The following MCTP1 variants were observed in gnomAD, a reference collection of about 807,000 sequenced individuals.
The protein encoded by MCTP1 is multiple C2 and transmembrane domain-containing protein 1.
MCTP1 carries 69 observed loss-of-function variants against 120.6 expected under a neutral mutation model. That is an observed-to-expected ratio of 0.57 (90% CI 0.47 to 0.70). The LOEUF (loss-of-function observed/expected upper bound fraction) is 0.70. MCTP1 is among the 30% of genes least tolerant of loss of function. MCTP1 has a pLI of 0.00. For missense variants in MCTP1, 1,203 were observed against 1,248.8 expected, an observed-to-expected ratio of 0.96 and a Z score of 0.55; for synonymous variants, 529 against 493.1, an observed-to-expected ratio of 1.07 and a Z score of -0.96.
intron 12 of MCTP1, among the ~76,000 whole-genome samples, chr5:94,876,669 A>C (rs546159096): frequency 6.6e-6 from 1 of 152,214 alleles, no homozygotes; most frequent in Non-Finnish European, 1.5e-5. Context: ...AAAAAGAGTC[A>C]ATCCCTCTCC....
At chr5:95,006,856 C>A (rs893406887) in intron 2 of MCTP1, among the ~76,000 whole-genome samples, 1 of 152,078 alleles carries the variant, frequency 6.6e-6, no homozygotes, top group Non-Finnish European at 1.5e-5. Context: ...GAAACTGGAG[C>A]CCTTTTGAGA....
intron 19 of MCTP1, among the ~76,000 whole-genome samples, chr5:94,721,458 C>A (rs1760879262): frequency 6.6e-6 from 1 of 152,148 alleles, no homozygotes; most frequent in African/African-American, 2.4e-5. Context: ...CCCACCCAGT[C>A]CACCGCCACT....
chr5:95,077,113 G>A (rs1193218798), intron 1 of MCTP1, among the ~76,000 whole-genome samples: 2 of 152,116 alleles, frequency 1.3e-5, no homozygotes, highest in African/African-American at 4.8e-5. Context: ...CTTAGTTTGA[G>A]TTCTCTAATG....
intron 2 of MCTP1, among the ~76,000 whole-genome samples, chr5:94,957,602 G>A (rs1244282845): frequency 6.6e-6 from 1 of 151,804 alleles, no homozygotes. Context: ...AAAAGAAAAA[G>A]CAGGGGTTGC....
chr5:94,988,875 G>A (rs1291599406), intron 2 of MCTP1, among the ~76,000 whole-genome samples: 1 of 152,072 alleles, frequency 6.6e-6, no homozygotes, highest in Non-Finnish European at 1.5e-5. Context: ...GAGAATGAGA[G>A]TCCAGCAGAG....
At chr5:95,101,973 T>A (rs1233435476) in intron 1 of MCTP1, among the ~76,000 whole-genome samples, 2 of 152,170 alleles carry the variant, frequency 1.3e-5, no homozygotes, top group Non-Finnish European at 2.9e-5. Context: ...GGTCTGTGTT[T>A]TTTTCCTCAC....
At chr5:95,175,966 G>A (rs1747924083) in intron 1 of MCTP1, among the ~76,000 whole-genome samples, 1 of 152,104 alleles carries the variant, frequency 6.6e-6, no homozygotes, top group Non-Finnish European at 1.5e-5. Flanking sequence ...AGGATAAGAT[G>A]GACAAAACGC....
Position 94,866,594 on chromosome 5 carries a change from G to T in MCTP1, c.2436+1739C>A, listed in dbSNP as rs113923424. Among the ~76,000 whole-genome samples, 395 of 149,924 alleles carry T rather than the reference G, an allele frequency of 2.6e-3. 1 individual carries two copies. The highest frequency in any genetic ancestry group is 9.2e-3 in the African/African-American group (374 of 40,830). On this transcript the variant is annotated intron_variant, in intron 17 of 22. Coordinates refer to ENST00000515393, the MANE Select transcript of MCTP1 (RefSeq NM_024717.7). ...TCTTGCATTCAGCTTGTGTTTCACA[G>T]GACTGAATCCATCAGACACTGACTA...
At chr5:94,908,388 T>C (rs1052526166) in intron 10 of MCTP1, among the ~76,000 whole-genome samples, 2 of 151,986 alleles carry the variant, frequency 1.3e-5, no homozygotes, top group African/African-American at 4.8e-5. Context: ...AATCAAGAGA[T>C]AAATATGTTG....
At chr5:94,842,762 C>A (rs536934361) in intron 17 of MCTP1, among the ~76,000 whole-genome samples, 1 of 152,234 alleles carries the variant, frequency 6.6e-6, no homozygotes, top group South Asian at 2.1e-4. Context: ...TAGCAACCTG[C>A]TTTTTATTAC....
At chr5:94,826,042 T>A in intron 17 of MCTP1, 1 of 325,462 alleles carries the variant, frequency 3.1e-6, no homozygotes, top group Non-Finnish European at 5.9e-6. Context: ...GTTTCTTCAT[T>A]CTGGCTCGTG....
intron 18 of MCTP1, among the ~76,000 whole-genome samples, chr5:94,788,594 G>C (rs916183055): frequency 6.6e-6 from 1 of 152,166 alleles, no homozygotes; most frequent in East Asian, 1.9e-4. Flanking sequence ...ACCAAACAGA[G>C]AACAATGATC....
chr5:95,079,625 A>T lies in MCTP1; in HGVS notation c.721-62141T>A, dbSNP rs541250549. 5.3e-5 allele frequency among the ~76,000 whole-genome samples: 8 copies of T among 152,284 alleles called. No individual in the cohort carries two copies. The South Asian group carries it at 1.7e-3, about 32-fold the overall frequency. ...TTATTACAAAGCAGAGCTAGGATTT[A>T]TTCATAAGATAGCATGATGATAAAT... On this transcript the variant is annotated intron_variant, in intron 1 of 22. Coordinates refer to ENST00000515393, the MANE Select transcript of MCTP1 (RefSeq NM_024717.7).
chr5:94,746,071 G>A (rs1287513515), intron 19 of MCTP1, among the ~76,000 whole-genome samples: 2 of 152,104 alleles, frequency 1.3e-5, no homozygotes, highest in African/African-American at 2.4e-5. Flanking sequence ...AGAAACCCCC[G>A]GAACACATCC....
rs2152560152 is a variant in MCTP1 at position 94,714,839 on chromosome 5, C to T, written c.2658G>A (p.Glu886=). ...GGATGTTCTGGACACTGACACATAC[C>T]TCCTGGATGGCATAGATTTTATTTA... ...GFINKIYAIQ[E]VCVSVQNILD... is the part of the protein sequence containing the mutation. Residue 886 remains glutamate, a synonymous_variant, in exon 20 of 23, where the codon GAG becomes GAA. Transcript: ENST00000515393. 1.2e-6 allele frequency: 2 copies of T among 1,612,996 alleles called. No homozygotes were observed. The highest frequency in any genetic ancestry group is 4.5e-5 in the East Asian group (2 of 44,852).
At chr5:94,771,531 A>G (rs1774081915) in intron 19 of MCTP1, among the ~76,000 whole-genome samples, 1 of 152,272 alleles carries the variant, frequency 6.6e-6, no homozygotes, top group Admixed American at 6.5e-5. Context: ...AAAAATGGGC[A>G]ATAACCCACT....
intron 10 of MCTP1, among the ~76,000 whole-genome samples, chr5:94,903,115 A>G (rs533333850): frequency 1.6e-4 from 25 of 152,132 alleles, no homozygotes; most frequent in African/African-American, 6.0e-4. Context: ...AATATTGCCT[A>G]TCTCCCTAAT....
chr5:95,279,653 T>G (rs1760151586), intron 1 of MCTP1, among the ~76,000 whole-genome samples: 1 of 152,236 alleles, frequency 6.6e-6, no homozygotes, highest in South Asian at 2.1e-4. Flanking sequence ...TCATAACATC[T>G]ACATGCTAAC....
chr5:94,786,682 C>T (rs909678391), intron 18 of MCTP1, among the ~76,000 whole-genome samples: 4 of 152,118 alleles, frequency 2.6e-5, no homozygotes, highest in Admixed American at 1.3e-4. Context: ...TGTGTGATTG[C>T]TAAATTAGTG....
Sources: allele counts gnomAD v4.1 joint callset (sites outside exome capture counted in the v4.1 genomes callset), GRCh38; gene constraint gnomAD v4.1.1; transcripts MANE v1.5; gene names NCBI Gene and HGNC (gene_info 2026-07-23, HGNC 2026-07-21).